CXCL13: variants seen among roughly 807,000 people sequenced by gnomAD.
CXCL13 encodes the protein C-X-C motif chemokine 13.
Under a neutral mutation model 12.2 loss-of-function variants are expected in CXCL13, and 7 were observed. That is an observed-to-expected ratio of 0.57 (90% CI 0.33 to 1.07). CXCL13 has a LOEUF of 1.07. Among genes scored for constraint, CXCL13 ranks in the 50% least tolerant of loss-of-function variants. The pLI is 0.04. For synonymous variants in CXCL13, 47 were observed against 42.4 expected, an observed-to-expected ratio of 1.11 and a Z score of -0.42; for missense variants, 113 against 127.4, an observed-to-expected ratio of 0.89 and a Z score of 0.55.
At chr4:77,558,796 G>A (rs929487637) in intron 1 of CXCL13, among the ~76,000 whole-genome samples, 10 of 152,204 alleles carry the variant, frequency 6.6e-5, no homozygotes, top group African/African-American at 1.9e-4. Flanking sequence ...GTCTGCCTAT[G>A]TTATGAGTTG....
intron 1 of CXCL13, among the ~76,000 whole-genome samples, chr4:77,546,308 G>A (rs1257306079): frequency 6.6e-6 from 1 of 152,200 alleles, no homozygotes; most frequent in Non-Finnish European, 1.5e-5. Context: ...GATTGGAATA[G>A]TTTCAGAAGT....
At chr4:77,545,545 G>A (rs1277382557) in intron 1 of CXCL13, among the ~76,000 whole-genome samples, 2 of 152,162 alleles carry the variant, frequency 1.3e-5, no homozygotes, top group Non-Finnish European at 2.9e-5. Flanking sequence ...TTGGCTCTCT[G>A]TTTGTCTGCT....
intron 1 of CXCL13, among the ~76,000 whole-genome samples, chr4:77,519,633 A>G (rs543187071): frequency 6.6e-6 from 1 of 152,182 alleles, no homozygotes; most frequent in East Asian, 1.9e-4. Context: ...CAGATGGGTC[A>G]ATTGCAAAAG....
chr4:77,546,430 T>A (rs1371376628), intron 1 of CXCL13, among the ~76,000 whole-genome samples: 2 of 152,164 alleles, frequency 1.3e-5, no homozygotes, highest in African/African-American at 4.8e-5. Context: ...TCACAGCCTG[T>A]TATTGGTCTA....
Position 77,607,749 on chromosome 4 carries a change from A to G in CXCL13, c.111A>G (p.Gln37=), listed in dbSNP as rs757422884. 1 of 1,613,094 alleles carries G rather than the reference A, an allele frequency of 6.2e-7. No homozygotes were observed. Among genetic ancestry groups the G allele is most frequent in the Non-Finnish European group, 8.5e-7 (1 of 1,179,596 alleles). Residue 37 remains glutamine (Q), a synonymous_variant, in exon 2 of 4, where the codon CAA becomes CAG. Transcript: ENST00000682537. Reference sequence around the variant, plus strand: ...CAAGCTTGAGGTGTAGATGTGTCCAAGAGAGCTCAGTCTTTATCCCTAGAC... The same window carrying G: ...CAAGCTTGAGGTGTAGATGTGTCCAGGAGAGCTCAGTCTTTATCCCTAGAC... ...YYTSLRCRCV[Q]ESSVFIPRRF... is the part of the protein sequence containing the mutation.
intron 1 of CXCL13, among the ~76,000 whole-genome samples, chr4:77,533,017 AAGTCTTCTTC>A (rs1366105101): frequency 2.9e-5 from 4 of 137,434 alleles, no homozygotes; most frequent in African/African-American, 1.4e-4. Context: ...TGATCGTCTG[AAGTCTTCTTC>A]TCTCAAATCA....
intron 1 of CXCL13, among the ~76,000 whole-genome samples, chr4:77,576,200 C>A (rs1196562577): frequency 2.0e-5 from 3 of 149,384 alleles, no homozygotes; most frequent in Non-Finnish European, 4.4e-5. Flanking sequence ...AAATATCAAG[C>A]AAAACTAGAG....
At chr4:77,582,702 G>T (rs1184396503) in intron 1 of CXCL13, among the ~76,000 whole-genome samples, 2 of 152,138 alleles carry the variant, frequency 1.3e-5, no homozygotes, top group African/African-American at 4.8e-5. Flanking sequence ...AAAAGCAAGG[G>T]AGATAACATG....
chr4:77,580,699 AG>A (rs1447978702), intron 1 of CXCL13, among the ~76,000 whole-genome samples: 1 of 147,564 alleles, frequency 6.8e-6, no homozygotes, highest in Non-Finnish European at 1.5e-5. Context: ...TTTTTAGCCT[AG>A]ACACCCTCTC....
chr4:77,581,589 C>T (rs1190797779), intron 1 of CXCL13, among the ~76,000 whole-genome samples: 3 of 152,096 alleles, frequency 2.0e-5, no homozygotes, highest in African/African-American at 7.2e-5. Context: ...TATTACTCCC[C>T]ATAAGAGTTA....
At chr4:77,550,592 A>T (rs1260559444) in intron 1 of CXCL13, among the ~76,000 whole-genome samples, 1 of 152,132 alleles carries the variant, frequency 6.6e-6, no homozygotes, top group African/African-American at 2.4e-5. Flanking sequence ...AAAATATATA[A>T]TCTGTAGTTG....
At chr4:77,598,293 G>A (rs781480555) in intron 1 of CXCL13, among the ~76,000 whole-genome samples, 5 of 152,236 alleles carry the variant, frequency 3.3e-5, no homozygotes, top group South Asian at 2.1e-4. Flanking sequence ...ACTCTGCAGA[G>A]AGATTCAGCC....
At chr4:77,520,012 A>G (rs1161700828) in intron 1 of CXCL13, among the ~76,000 whole-genome samples, 2 of 152,170 alleles carry the variant, frequency 1.3e-5, no homozygotes, top group East Asian at 3.9e-4. Context: ...TTTGTCAAAG[A>G]TCAGATGGTT....
intron 1 of CXCL13, among the ~76,000 whole-genome samples, chr4:77,577,547 A>G (rs1489013461): frequency 6.6e-6 from 1 of 152,198 alleles, no homozygotes; most frequent in Non-Finnish European, 1.5e-5. Context: ...TCATGCTAGT[A>G]TCCATGGCAT....
intron 1 of CXCL13, among the ~76,000 whole-genome samples, chr4:77,538,910 A>G (rs1396469924): frequency 6.6e-6 from 1 of 152,148 alleles, no homozygotes; most frequent in Non-Finnish European, 1.5e-5. Context: ...AGAGGAATGA[A>G]TTTGAGGGGC....
intron 1 of CXCL13, among the ~76,000 whole-genome samples, chr4:77,539,689 A>G (rs1725153626): frequency 6.6e-6 from 1 of 152,142 alleles, no homozygotes; most frequent in Non-Finnish European, 1.5e-5. Flanking sequence ...CGCTCACCCA[A>G]TTCCTGAGAT....
chr4:77,559,921 CA>C lies in CXCL13; in HGVS notation c.-42-45884del, dbSNP rs751894798. Among the ~76,000 whole-genome samples, 181 of 77,114 alleles carry C rather than the reference CA, an allele frequency of 2.3e-3. 1 individual carries two copies. The highest frequency in any genetic ancestry group is 0.014 in the South Asian group (31 of 2,192). 50.6% of individuals were successfully genotyped at this position (77,114 alleles called of 152,430 possible). On this transcript the variant is annotated intron_variant, in intron 1 of 4. Coordinates refer to the CXCL13 transcript ENST00000286758. ...TGGGTGAGAGAGCGAGACTCCATCA[CA>C]AAAAAAAAAAAAAAAAAACCTGACG... is the stretch of plus-strand genomic sequence containing the variant.
chr4:77,583,096 T>G (rs1726377514), intron 1 of CXCL13, among the ~76,000 whole-genome samples: 1 of 152,192 alleles, frequency 6.6e-6, no homozygotes, highest in African/African-American at 2.4e-5. Context: ...CTGTGACATG[T>G]GCCCTCCTCA....
chr4:77,582,202 C>T (rs1261228551), intron 1 of CXCL13, among the ~76,000 whole-genome samples: 1 of 151,622 alleles, frequency 6.6e-6, no homozygotes, highest in Non-Finnish European at 1.5e-5. Flanking sequence ...TACCCCCTCC[C>T]TCTATACATT....
Sources: allele counts gnomAD v4.1 joint callset (sites outside exome capture counted in the v4.1 genomes callset), GRCh38; gene constraint gnomAD v4.1.1; transcripts MANE v1.5; gene names NCBI Gene and HGNC (gene_info 2026-07-23, HGNC 2026-07-21).